The following CFAP46 variants were observed in gnomAD, a reference collection of about 807,000 sequenced individuals.
CFAP46 encodes the protein cilia- and flagella-associated protein 46.
Under a neutral mutation model 325.7 loss-of-function variants are expected in CFAP46, and 245 were observed. The ratio of observed to expected loss-of-function variants is 0.75; its 90% CI spans 0.68 to 0.84. CFAP46 has a LOEUF of 0.84. Ranked by LOEUF, CFAP46 falls within the 40% of genes least tolerant of loss-of-function variation. CFAP46 has a pLI of 0.00. For synonymous variants in CFAP46, 1,523 were observed against 1,495.9 expected, an observed-to-expected ratio of 1.02 and a Z score of -0.42; for missense variants, 3,346 against 3,543.0, an observed-to-expected ratio of 0.94 and a Z score of 1.41.
chr10:132,836,961 G>T (rs748276239), intron 44 of CFAP46, 47 bp from the exon 45 acceptor site: 4 of 1,396,030 alleles, frequency 2.9e-6, no homozygotes, highest in East Asian at 2.3e-5. Context: ...AGGACGCAAG[G>T]ACGTCGCTGT....
intron 50 of CFAP46, among the ~76,000 whole-genome samples, chr10:132,821,811 C>T (rs1253640223): frequency 2.2e-4 from 28 of 130,008 alleles, no homozygotes; most frequent in Non-Finnish European, 3.4e-4. Context: ...TGTGTGAGTG[C>T]TGATGTGTGC....
intron 38 of CFAP46, among the ~76,000 whole-genome samples, chr10:132,858,105 T>A (rs1004852850): frequency 3.3e-4 from 50 of 152,230 alleles, no homozygotes; most frequent in African/African-American, 1.2e-3. Context: ...ATGTACGACA[T>A]CCACAGTAAC....
chr10:132,874,907 G>T (rs1171077461), intron 31 of CFAP46, among the ~76,000 whole-genome samples: 1 of 152,110 alleles, frequency 6.6e-6, no homozygotes, highest in African/African-American at 2.4e-5. Context: ...CATACCGGAG[G>T]TCCTTGCCAG....
rs887042057 is a variant in CFAP46, at chr10:132,832,389, C to CA, written c.7117+968_7117+969insT. Among the ~76,000 whole-genome samples the CA allele has an allele frequency of 1.3e-5, 1 of 78,432 alleles. No individual in the cohort carries two copies. Among genetic ancestry groups the CA allele is most frequent in the Non-Finnish European group, 2.2e-5 (1 of 44,500 alleles). The allele number at this position is 78,432 out of a possible 152,430, so 51.5% of individuals were successfully genotyped here. The stretch of plus-strand genomic sequence containing the variant: ...TGCGGAGACCCCTGGGCTCTTCCTG[C>CA]CCCCCCCCCCCAATGCTGTGGCCTG... On this transcript the variant is annotated intron_variant, in intron 50 of 57. Transcript: ENST00000368586. The surrounding 1 kb of genome is among the most constrained non-coding windows in gnomAD (Gnocchi z 4.1).
intron 50 of CFAP46, among the ~76,000 whole-genome samples, chr10:132,822,003 T>TGTGTGTGCTG (rs1847854306): frequency 7.2e-6 from 1 of 138,172 alleles, no homozygotes; most frequent in Admixed American, 7.0e-5. Flanking sequence ...TTGTGTGTGC[T>TGTGTGTGCTG]GTGTGTGCTG....
At chr10:132,908,410 C>T in intron 22 of CFAP46, 58 bp downstream of exon 22, 1 of 1,538,240 alleles carries the variant, frequency 6.5e-7, no homozygotes. Context: ...GATTGAGGCC[C>T]AGGCCTGCGC....
chr10:132,823,641 ATGTGTGCTG>A (rs952364393), intron 50 of CFAP46, among the ~76,000 whole-genome samples: 4 of 82,082 alleles, frequency 4.9e-5, no homozygotes, highest in East Asian at 4.4e-4. Flanking sequence ...GTGAGTGCTG[ATGTGTGCTG>A]TGTGTGCTGT....
intron 22 of CFAP46, among the ~76,000 whole-genome samples, chr10:132,908,020 C>T (rs551496147): frequency 1.3e-5 from 2 of 152,260 alleles, no homozygotes; most frequent in South Asian, 2.1e-4. Flanking sequence ...GAGGCCCCCC[C>T]TTTCTGTGCC....
intron 13 of CFAP46, among the ~76,000 whole-genome samples, chr10:132,921,226 G>C (rs1303255652): frequency 6.6e-6 from 1 of 152,202 alleles, no homozygotes; most frequent in Non-Finnish European, 1.5e-5. Context: ...GCTGGGCACT[G>C]AGCTGGAGGG....
At chr10:132,921,703 A>T (rs1030148712) in intron 13 of CFAP46, among the ~76,000 whole-genome samples, 3 of 152,212 alleles carry the variant, frequency 2.0e-5, no homozygotes, top group Non-Finnish European at 4.4e-5. Context: ...AAAGGGAGGA[A>T]ACGAGGACAC....
chr10:132,891,326 G>A (rs1849251098), intron 25 of CFAP46, among the ~76,000 whole-genome samples: 1 of 152,168 alleles, frequency 6.6e-6, no homozygotes, highest in Admixed American at 6.5e-5. Flanking sequence ...GGGGTCGGGG[G>A]TGGTAGGGGG....
At position 132,921,045 on chromosome 10, in the gene CFAP46, C is replaced by T. The variant is rs147863341; in HGVS notation, c.1607-863G>A. 5.5e-3 allele frequency among the ~76,000 whole-genome samples: 835 copies of T among 152,346 alleles called. 5 individuals carry two copies. Among genetic ancestry groups the T allele is most frequent in the Non-Finnish European group, 9.5e-3 (647 of 68,024 alleles). On this transcript the variant is annotated intron_variant, in intron 13 of 57. Coordinates refer to ENST00000368586, the MANE Select transcript of CFAP46 (RefSeq NM_001200049.3). The stretch of plus-strand genomic sequence containing the variant: ...GGATGACAGGGCGGCAGCCCCTTCC[C>T]GCTCCAAGAGTCGCCAACCTTCCCT...
At chr10:132,941,762 G>A in intron 2 of CFAP46, 40 bp from the exon 3 acceptor site, 1 of 1,611,448 alleles carries the variant, frequency 6.2e-7, no homozygotes, top group Non-Finnish European at 8.5e-7. Context: ...CAGACCCGGA[G>A]GGGTGGCCTC....
In CFAP46 at chr10:132,817,226, T is replaced by A. The variant is rs1847712094; in HGVS notation, c.7118-2312A>T. ...ACTTTCGATTCTCATGATGTCCATGTCCCTAATAATGCCTGGCTCTAAAGT... is the reference window on the plus strand; with the variant it reads ...ACTTTCGATTCTCATGATGTCCATGACCCTAATAATGCCTGGCTCTAAAGT... On this transcript the variant is annotated intron_variant, in intron 50 of 57. Transcript: ENST00000368586. The surrounding 1 kb of genome is among the most constrained non-coding windows in gnomAD (Gnocchi z 4.4). Among the ~76,000 whole-genome samples, 1 of 152,232 alleles carries A rather than the reference T, an allele frequency of 6.6e-6. No individual in the cohort carries two copies. The highest frequency in any genetic ancestry group is 2.4e-5 in the African/African-American group (1 of 41,456).
Position 132,898,801 on chromosome 10 carries a change from G to C in CFAP46, c.3219+158C>G, listed in dbSNP as rs187111345. The C allele has an allele frequency of 4.4e-4, 445 of 1,003,664 alleles. 2 individuals carry two copies. The African/African-American group carries it at 5.4e-3, about 12-fold the overall frequency. 62.2% of individuals were successfully genotyped at this position (1,003,664 alleles called of 1,614,324 possible). On this transcript the variant is annotated intron_variant, in intron 24 of 57. Transcript: ENST00000368586. ...GGGGCCCCCGCAGTGCTGGGACTTG[G>C]AGACCCCCCTTAACCCCCTCCCCTC...
At position 132,919,281 on chromosome 10, in the gene CFAP46, A is replaced by G; in HGVS notation, c.1858+34T>C. 2.0e-6 allele frequency: 3 copies of G among 1,530,344 alleles called. No individual in the cohort carries two copies. Among genetic ancestry groups the G allele is most frequent in the Non-Finnish European group, 2.6e-6 (3 of 1,134,762 alleles). The allele number at this position is 1,530,344 out of a possible 1,614,324, so 94.8% of individuals were successfully genotyped here. On this transcript the variant is annotated intron_variant, in intron 15 of 57. Transcript: ENST00000368586. This position sits in a 1 kb window ranked among gnomAD's most constrained non-coding sequence, Gnocchi z 9.7. The stretch of plus-strand genomic sequence containing the variant: ...CCACACCCAGAGGGCGGCCGTGGCC[A>G]GGCTGGGACACACTCGTGAGGGCGG...
intron 24 of CFAP46, among the ~76,000 whole-genome samples, chr10:132,896,153 C>T (rs10870350): frequency 0.1 from 5,517 of 52,752 alleles, 273 homozygotes; most frequent in African/African-American, 0.36. Flanking sequence ...CATGAAGACA[C>T]GGTGAGAAGG....
At chr10:132,924,216 ATGGTCCACCCTGATGCCTGCCG>A (rs1564802608) in intron 11 of CFAP46, among the ~76,000 whole-genome samples, 4 of 151,034 alleles carry the variant, frequency 2.6e-5, no homozygotes, top group African/African-American at 7.3e-5. Flanking sequence ...CCTGCCTGCC[ATGGTCCACCCTGATGCCTGCCG>A]CCTGCCTGCC....
chr10:132,815,042 A>G, intron 50 of CFAP46, 128 bp from the exon 51 acceptor site: 1 of 866,438 alleles, frequency 1.2e-6, no homozygotes, highest in Non-Finnish European at 1.8e-6. Flanking sequence ...TTGTGAGAAC[A>G]AGCGGTTTTA....
Sources: allele counts gnomAD v4.1 joint callset (sites outside exome capture counted in the v4.1 genomes callset), GRCh38; gene constraint gnomAD v4.1.1; non-coding constraint Gnocchi (gnomAD v3.1); transcripts MANE v1.5; gene names NCBI Gene and HGNC (gene_info 2026-07-23, HGNC 2026-07-21).